The following LITAF variants were observed in gnomAD, a reference collection of about 807,000 sequenced individuals.
LITAF encodes lipopolysaccharide-induced tumor necrosis factor-alpha factor.
Under a neutral mutation model 14.5 loss-of-function variants are expected in LITAF, and 9 were observed. That is an observed-to-expected ratio of 0.62 (90% CI 0.37 to 1.08). The LOEUF (loss-of-function observed/expected upper bound fraction) is 1.08. Among genes scored for constraint, LITAF ranks in the 50% least tolerant of loss-of-function variants. The pLI is 0.01. For missense variants in LITAF, 206 were observed against 213.4 expected, an observed-to-expected ratio of 0.97 and a Z score of 0.22; for synonymous variants, 98 against 88.2, an observed-to-expected ratio of 1.11 and a Z score of -0.62.
intron 1 of LITAF, among the ~76,000 whole-genome samples, chr16:11,563,155 AT>A (rs35555016): frequency 0.36 from 53,218 of 148,998 alleles, 10,074 homozygotes; most frequent in Admixed American, 0.53. Flanking sequence ...AATAATAATA[AT>A]TTTTTTTTTT....
chr16:11,594,162 G>T (rs2064866883), intron 1 of LITAF, among the ~76,000 whole-genome samples: 1 of 150,570 alleles, frequency 6.6e-6, no homozygotes, highest in Admixed American at 6.6e-5. Context: ...CTTCAGCCTG[G>T]GTGACAAAGT....
At chr16:11,597,877 A>C (rs1567258750) in intron 1 of LITAF, among the ~76,000 whole-genome samples, 1 of 152,126 alleles carries the variant, frequency 6.6e-6, no homozygotes. Flanking sequence ...GCCAGGCTGG[A>C]AATGGGACAA....
At chr16:11,551,258 T>C (rs544767283) in intron 3 of LITAF, among the ~76,000 whole-genome samples, 20 of 152,264 alleles carry the variant, frequency 1.3e-4, no homozygotes, top group Non-Finnish European at 2.6e-4. Flanking sequence ...AGTCAATCCA[T>C]TCAGCAGGAA....
Position 11,556,576 on chromosome 16 carries a change from T to C in LITAF, c.155A>G (p.Asp52Gly). The C allele has an allele frequency of 6.2e-7, 1 of 1,614,134 alleles. No individual in the cohort carries two copies. The highest frequency in any genetic ancestry group is 8.5e-7 in the Non-Finnish European group (1 of 1,180,032). The change falls in exon 2 of 4, where the codon GAT (aspartate) becomes GGT (glycine). Residue 52 changes from aspartate (D) to glycine (G), a missense_variant. Physicochemically the swap from Asp to Gly is moderately conservative, Grantham distance 94. Coordinates refer to ENST00000622633, the MANE Select transcript of LITAF (RefSeq NM_001136472.2). ...GPTTGLVTGP[D>G]GKGMNPPSYY... ...CGAAGGAGGATTCATGCCCTTCCCATCAGGCCCCGTCACAAGCCCCGTAGT... is the reference window on the plus strand; with the variant it reads ...CGAAGGAGGATTCATGCCCTTCCCACCAGGCCCCGTCACAAGCCCCGTAGT...
Position 11,547,977 on chromosome 16 carries a change from C to T in LITAF, c.*1660G>A, listed in dbSNP as rs1341367239. 2.2e-6 allele frequency: 1 copy of T among 454,058 alleles called. No homozygotes were observed. Among genetic ancestry groups the T allele is most frequent in the South Asian group, 1.6e-5 (1 of 64,480 alleles). The allele number at this position is 454,058 out of a possible 1,614,324, so 28.1% of individuals were successfully genotyped here. ...ATGCAACATGAGCCCTTTCTTCACA[C>T]CAAAAGAACTCATAAATAGTTCACC... On this transcript the variant is annotated 3_prime_UTR_variant, in exon 4 of 4. Coordinates refer to ENST00000622633, the MANE Select transcript of LITAF (RefSeq NM_001136472.2).
chr16:11,587,475 C>G (rs1189303609), upstream of LITAF: 1 of 453,808 alleles, frequency 2.2e-6, no homozygotes, highest in African/African-American at 2.0e-5. Context: ...TCTCTGAGCT[C>G]GGCTTCCTGT....
intron 1 of LITAF, chr16:11,561,193 T>C (rs2064358662): frequency 6.6e-6 from 1 of 152,218 alleles, no homozygotes; most frequent in Admixed American, 6.5e-5. Flanking sequence ...GGAGCATGGT[T>C]GGTCGTGATT....
At chr16:11,638,256 TA>T (rs1295318314), upstream of LITAF, among the ~76,000 whole-genome samples, 3 of 151,290 alleles carry the variant, frequency 2.0e-5, no homozygotes, top group African/African-American at 7.3e-5. Flanking sequence ...CACTTCCCCA[TA>T]GGTTTGGGGT....
chr16:11,602,840 CTG>C (rs1366552111), upstream of LITAF, among the ~76,000 whole-genome samples: 1 of 151,374 alleles, frequency 6.6e-6, no homozygotes, highest in Non-Finnish European at 1.5e-5. Context: ...GATTCAGTGA[CTG>C]ACTCACGCCT....
chr16:11,577,785 C>T (rs897252159), intron 1 of LITAF, among the ~76,000 whole-genome samples: 1 of 152,126 alleles, frequency 6.6e-6, no homozygotes, highest in African/African-American at 2.4e-5. Context: ...GCACCATTGG[C>T]ACCATCATAG....
intron 1 of LITAF, among the ~76,000 whole-genome samples, chr16:11,583,246 T>G (rs1213414065): frequency 8.5e-5 from 13 of 152,176 alleles, no homozygotes; most frequent in Non-Finnish European, 1.6e-4. Context: ...AAAGATAAAG[T>G]TACCACAATC....
chr16:11,603,869 C>G (rs575594618), intron 3 of LITAF, among the ~76,000 whole-genome samples: 1 of 150,834 alleles, frequency 6.6e-6, no homozygotes, highest in Non-Finnish European at 1.5e-5. Context: ...ACAGTGAAAC[C>G]CCATCTCTAC....
intron 1 of LITAF, among the ~76,000 whole-genome samples, chr16:11,577,063 A>G (rs1204287056): frequency 6.6e-6 from 1 of 152,168 alleles, no homozygotes; most frequent in East Asian, 1.9e-4. Flanking sequence ...CCTTGATGAC[A>G]TATGTCTTCC....
intron 3 of LITAF, among the ~76,000 whole-genome samples, chr16:11,630,004 GC>G (rs1439758816): frequency 2.0e-5 from 3 of 152,174 alleles, no homozygotes; most frequent in Admixed American, 2.0e-4. Context: ...GAGTTCGGGT[GC>G]CTTCCTGGAC....
chr16:11,595,729 A>T (rs2064880512), intron 1 of LITAF, among the ~76,000 whole-genome samples: 1 of 152,190 alleles, frequency 6.6e-6, no homozygotes. Context: ...ACTCCGTCTC[A>T]AAAAACAAAA....
In LITAF at chr16:11,558,898, T is replaced by C. The variant is rs570777126; in HGVS notation, c.-5-2163A>G. Among the ~76,000 whole-genome samples, 65 of 152,194 alleles carry C rather than the reference T, an allele frequency of 4.3e-4. No individual in the cohort carries two copies. The highest frequency in any genetic ancestry group is 7.8e-4 in the Non-Finnish European group (53 of 68,038). On this transcript the variant is annotated intron_variant, in intron 1 of 3. Coordinates refer to ENST00000622633, the MANE Select transcript of LITAF (RefSeq NM_001136472.2). This position sits in a 1 kb window ranked among gnomAD's most constrained non-coding sequence, Gnocchi z 4.1. ...ATCTTCTGTGAGGATGGAAATGCTC[T>C]GTATCTGCTGCCCAATATAGCAGCC...
chr16:11,627,689 C>G (rs1286789399), intron 3 of LITAF, among the ~76,000 whole-genome samples: 1 of 152,064 alleles, frequency 6.6e-6, no homozygotes, highest in Non-Finnish European at 1.5e-5. Context: ...ACTAAAAATA[C>G]AAAAATTAGC....
rs758876345 is a variant in LITAF, at chr16:11,548,945, A to T, written c.*692T>A. 1 of 454,094 alleles carries T rather than the reference A, an allele frequency of 2.2e-6. No individual in the cohort carries two copies. Among genetic ancestry groups the T allele is most frequent in the South Asian group, 1.6e-5 (1 of 64,480 alleles). 28.1% of individuals were successfully genotyped at this position (454,094 alleles called of 1,614,324 possible). The stretch of plus-strand genomic sequence containing the variant: ...GGGGCACTGAAGATCTGGCACAGAG[A>T]AACAAGGGGAGACAGGGCAGTGATA... On this transcript the variant is annotated 3_prime_UTR_variant, in exon 4 of 4. Coordinates refer to ENST00000622633, the MANE Select transcript of LITAF (RefSeq NM_001136472.2).
At chr16:11,626,691 C>T (rs909977793) in intron 3 of LITAF, among the ~76,000 whole-genome samples, 7 of 152,170 alleles carry the variant, frequency 4.6e-5, no homozygotes, top group South Asian at 2.1e-4. Context: ...AGGCTGGTCT[C>T]GAACTCCCAC....
Sources: allele counts gnomAD v4.1 joint callset (sites outside exome capture counted in the v4.1 genomes callset), GRCh38; gene constraint gnomAD v4.1.1; non-coding constraint Gnocchi (gnomAD v3.1); transcripts MANE v1.5; gene names NCBI Gene and HGNC (gene_info 2026-07-23, HGNC 2026-07-21).